Variants in PHIP observed in about 807,000 individuals in gnomAD.
PHIP encodes the protein PHIP subunit of CUL4-Ring ligase complex.
PHIP carries 54 observed loss-of-function variants against 236.8 expected under a neutral mutation model. The ratio of observed to expected loss-of-function variants is 0.23; its 90% confidence interval spans 0.18 to 0.29. The LOEUF is 0.29. Ranked by LOEUF, PHIP falls within the 10% of genes least tolerant of loss-of-function variation. The probability of loss-of-function intolerance (pLI) is 1.00; values close to 1 mark genes in which losing one functional copy is unlikely to be tolerated. For missense variants in PHIP, 1,370 were observed against 2,190.8 expected, an observed-to-expected ratio of 0.63 and a Z score of 7.48; for synonymous variants, 756 against 718.9, an observed-to-expected ratio of 1.05 and a Z score of -0.83.
chr6:79,076,954 G>A (rs1582334311), intron 4 of PHIP, among the ~76,000 whole-genome samples: 1 of 152,232 alleles, frequency 6.6e-6, no homozygotes, highest in Admixed American at 6.5e-5. Context: ...CCACGGTACC[G>A]CAGCGGCTGG....
intron 14 of PHIP, 74 bp from the exon 15 acceptor site, chr6:79,015,290 A>T: frequency 8.7e-7 from 1 of 1,153,834 alleles, no homozygotes; most frequent in Non-Finnish European, 1.3e-6. Flanking sequence ...TGAAATACCA[A>T]TATGGCACTA....
chr6:78,960,701 C>T (rs1216649827), intron 31 of PHIP, among the ~76,000 whole-genome samples: 1 of 151,976 alleles, frequency 6.6e-6, no homozygotes, highest in Non-Finnish European at 1.5e-5. Flanking sequence ...TTATGCTCCC[C>T]AGAAGACATG....
At chr6:78,949,104 A>G (rs1047782242) in intron 35 of PHIP, among the ~76,000 whole-genome samples, 1 of 152,196 alleles carries the variant, frequency 6.6e-6, no homozygotes, top group African/African-American at 2.4e-5. Context: ...ACCAGTAAAC[A>G]TGATATTAGC....
chr6:79,025,651 A>AC, intron 8 of PHIP, 32 bp from the exon 9 acceptor site: 2 of 1,304,296 alleles, frequency 1.5e-6, no homozygotes, highest in Non-Finnish European at 1.1e-6. Flanking sequence ...AAAAATCTTT[A>AC]CAAGAGTGAC....
chr6:79,024,590 G>T (rs1011742124), intron 9 of PHIP, among the ~76,000 whole-genome samples: 18 of 152,256 alleles, frequency 1.2e-4, no homozygotes, highest in Admixed American at 4.6e-4. Flanking sequence ...GGATCACGAG[G>T]TCAGGAGATG....
chr6:79,052,504 G>A lies in PHIP; in HGVS notation c.439+7974C>T, dbSNP rs552655646. 2.6e-5 allele frequency among the ~76,000 whole-genome samples: 4 copies of A among 152,214 alleles called. No individual in the cohort carries two copies. In the South Asian group the frequency reaches 8.3e-4, roughly 32 times the overall value. ...CAGTAATAACGGGTTGAAGTTTTGGGGGAGAAAAGAATGGAGTAATATACA... is the reference window on the plus strand; with the variant it reads ...CAGTAATAACGGGTTGAAGTTTTGGAGGAGAAAAGAATGGAGTAATATACA... On this transcript the variant is annotated intron_variant, in intron 6 of 39. Coordinates refer to ENST00000275034, the MANE Select transcript of PHIP (RefSeq NM_017934.7).
intron 38 of PHIP, 112 bp from the exon 39 acceptor site, chr6:78,945,609 T>G (rs527685836): frequency 2.8e-6 from 2 of 702,212 alleles, no homozygotes; most frequent in African/African-American, 3.6e-5. Flanking sequence ...TGAAGGATGC[T>G]TAAAGCTTTC....
chr6:78,970,225 A>AT, intron 25 of PHIP, 52 bp from the exon 26 acceptor site: 1 of 1,491,168 alleles, frequency 6.7e-7, no homozygotes, highest in Non-Finnish European at 9.3e-7. Flanking sequence ...AAACCACAAA[A>AT]TAGACTGCTA....
chr6:78,967,302 A>G (rs1312032481), intron 27 of PHIP, among the ~76,000 whole-genome samples: 1 of 152,216 alleles, frequency 6.6e-6, no homozygotes, highest in Non-Finnish European at 1.5e-5. Flanking sequence ...AAGCTACTAT[A>G]TAGTTTAATA....
Position 79,042,972 on chromosome 6 carries a change from C to T in PHIP, c.471G>A (p.Gly157=). 6.2e-7 allele frequency: 1 copy of T among 1,609,928 alleles called. No individual in the cohort carries two copies. Among genetic ancestry groups the T allele is most frequent in the Non-Finnish European group, 8.5e-7 (1 of 1,178,302 alleles). ...ADTLFSRKLN[G]KYRLERLVPT... ...GAACAAGTCGCTCAAGTCTGTATTTCCCATTCAGCTTCCTTGAAAACAGAG... is the reference window on the plus strand; with the variant it reads ...GAACAAGTCGCTCAAGTCTGTATTTTCCATTCAGCTTCCTTGAAAACAGAG... The change falls in exon 7 of 40, where the codon GGG becomes GGA. Residue 157 remains glycine, a synonymous_variant. Coordinates refer to ENST00000275034, the MANE Select transcript of PHIP (RefSeq NM_017934.7).
chr6:79,031,163 C>T (rs1276941665), intron 7 of PHIP, among the ~76,000 whole-genome samples: 1 of 152,152 alleles, frequency 6.6e-6, no homozygotes, highest in Admixed American at 6.5e-5. Context: ...AGGCTGGTTT[C>T]AAACTCCTGA....
At chr6:78,943,450 A>AAT (rs1773613688) in intron 39 of PHIP, among the ~76,000 whole-genome samples, 1 of 152,196 alleles carries the variant, frequency 6.6e-6, no homozygotes, top group Admixed American at 6.5e-5. Flanking sequence ...AAGCAAGGCC[A>AAT]ATATACTATT....
Position 78,941,283 on chromosome 6 carries a change from C to T in PHIP, c.4876G>A (p.Gly1626Ser). ...AGTTTTGATGGCTGTCCTCCATGGC[C>T]ATTTACTTGAATGGTTCCTGGTACA... ...ALVPGTIQVN[G>S]HGGQPSKLVK... The change falls in exon 40 of 40, where the codon GGC (glycine) becomes AGC (serine). Residue 1626 changes from glycine to serine, a missense_variant. Transcript: ENST00000275034. 6.2e-7 allele frequency: 1 copy of T among 1,613,536 alleles called. No individual in the cohort carries two copies. The highest frequency in any genetic ancestry group is 8.5e-7 in the Non-Finnish European group (1 of 1,179,526).
At chr6:78,986,007 ATCTAGAT>A in intron 21 of PHIP, among the ~76,000 whole-genome samples, 1 of 152,330 alleles carries the variant, frequency 6.6e-6, no homozygotes, top group African/African-American at 2.4e-5. Flanking sequence ...CTCATAACGT[ATCTAGAT>A]AAAATGATAA....
At chr6:79,068,668 T>C (rs1293611657) in intron 4 of PHIP, among the ~76,000 whole-genome samples, 2 of 152,212 alleles carry the variant, frequency 1.3e-5, no homozygotes, top group Non-Finnish European at 2.9e-5. Context: ...GTTAGTACTG[T>C]ACCTAACAGT....
At chr6:79,022,523 C>A (rs1771169802) in intron 9 of PHIP, among the ~76,000 whole-genome samples, 1 of 152,116 alleles carries the variant, frequency 6.6e-6, no homozygotes, top group East Asian at 1.9e-4. Context: ...AATAACTGTA[C>A]CTTTCTCAAA....
chr6:79,012,354 T>C (rs111583468), intron 15 of PHIP, among the ~76,000 whole-genome samples: 2,138 of 151,874 alleles, frequency 0.014, 35 homozygotes, highest in Middle Eastern at 0.048. Flanking sequence ...GTAGGTGGAA[T>C]GGTGAGTTTA....
chr6:79,015,621 T>C lies in PHIP; in HGVS notation c.1389+9A>G, dbSNP rs1770799353. 6.3e-7 allele frequency: 1 copy of C among 1,578,300 alleles called. No homozygotes were observed. On this transcript the variant is annotated intron_variant, in intron 14 of 39. Coordinates refer to ENST00000275034, the MANE Select transcript of PHIP (RefSeq NM_017934.7). ...GTTATATCAAATAAAGATTAGAATT[T>C]TTTCTCACCATCAGGACATGAATTA...
chr6:78,973,944 ACT>A (rs914057467), intron 24 of PHIP, among the ~76,000 whole-genome samples: 173 of 152,148 alleles, frequency 1.1e-3, no homozygotes, highest in African/African-American at 4.1e-3. Context: ...TTAACACCCC[ACT>A]GTCAACATTA....
Sources: allele counts gnomAD v4.1 joint callset (sites outside exome capture counted in the v4.1 genomes callset), GRCh38; gene constraint gnomAD v4.1.1; transcripts MANE v1.5; gene names NCBI Gene and HGNC (gene_info 2026-07-23, HGNC 2026-07-21).